OLFM3: variants seen among roughly 807,000 people sequenced by gnomAD.
The protein encoded by OLFM3 is olfactomedin 3.
Under a neutral mutation model 48.6 loss-of-function variants are expected in OLFM3, and 20 were observed. That is an observed-to-expected ratio of 0.41 (90% CI 0.29 to 0.60). The LOEUF is 0.60. Ranked by LOEUF, OLFM3 falls within the 20% of genes least tolerant of loss-of-function variation. The pLI, the probability that OLFM3 is intolerant of heterozygous loss-of-function variation, is 0.28. For synonymous variants in OLFM3, 222 were observed against 198.1 expected (o/e 1.12, Z -1.01); for missense variants, 437 against 544.3 (o/e 0.80, Z 1.96).
intron 1 of OLFM3, among the ~76,000 whole-genome samples, chr1:101,933,120 T>C (rs1404477026): frequency 1.5e-5 from 2 of 136,528 alleles, no homozygotes; most frequent in Non-Finnish European, 3.0e-5. Flanking sequence ...GAGAATGGCA[T>C]GAACCCGGGA....
At chr1:101,848,997 G>A (rs1656121508) in intron 1 of OLFM3, among the ~76,000 whole-genome samples, 1 of 152,094 alleles carries the variant, frequency 6.6e-6, no homozygotes, top group African/African-American at 2.4e-5. Flanking sequence ...GGAAGAAATA[G>A]AGAAAAACAA....
In OLFM3 at chr1:101,983,990, C is replaced by G. The variant is rs931070616; in HGVS notation, c.69+12758G>C. Reference sequence around the variant, plus strand: ...ATCACGGGTAGCCTGCGGCTCACACCTGTAATCCCAGCACCATGGGAGGCC... The same window carrying G: ...ATCACGGGTAGCCTGCGGCTCACACGTGTAATCCCAGCACCATGGGAGGCC... On this transcript the variant is annotated intron_variant, in intron 1 of 5. Coordinates refer to ENST00000370103, the MANE Select transcript of OLFM3 (RefSeq NM_058170.4). 2.6e-5 allele frequency among the ~76,000 whole-genome samples: 4 copies of G among 152,174 alleles called. No individual in the cohort carries two copies. The East Asian group carries it at 7.7e-4, about 29-fold the overall frequency.
intron 1 of OLFM3, among the ~76,000 whole-genome samples, chr1:101,955,380 T>A (rs190404765): frequency 2.0e-4 from 30 of 152,136 alleles, no homozygotes; most frequent in Middle Eastern, 3.4e-3. Flanking sequence ...AAGAATTTAA[T>A]GAATTGTCAA....
intron 1 of OLFM3, among the ~76,000 whole-genome samples, chr1:101,873,618 G>A (rs1657178667): frequency 6.6e-6 from 1 of 151,608 alleles, no homozygotes; most frequent in Non-Finnish European, 1.5e-5. Context: ...TGGTAGATCT[G>A]AGTTTAATTT....
At chr1:101,833,288 G>A (rs114857237) in intron 2 of OLFM3, among the ~76,000 whole-genome samples, 166 of 152,302 alleles carry the variant, frequency 1.1e-3, no homozygotes, top group Admixed American at 2.9e-3. Context: ...GTAATTAGAG[G>A]AGCTACATTT....
chr1:101,963,129 G>T (rs78329862), intron 1 of OLFM3, among the ~76,000 whole-genome samples: 3 of 152,120 alleles, frequency 2.0e-5, no homozygotes, highest in African/African-American at 4.8e-5. Context: ...CATTCTGCTG[G>T]GGTCTCTTCA....
Position 101,804,333 on chromosome 1 carries a change from C to T in OLFM3, c.1282G>A (p.Ala428Thr), listed in dbSNP as rs780009709. 1.2e-6 allele frequency: 2 copies of T among 1,611,986 alleles called. No individual in the cohort carries two copies. The highest frequency in any genetic ancestry group is 1.7e-5 in the Admixed American group (1 of 59,838). ...YFHISMLDYN[A>T]RDRALYAWNN... ...CAGGCATAGAGAGCTCGATCTCTTG[C>T]ATTGTAGTCAAGCATGGATATGTGA... The change falls in exon 6 of 6, where the codon GCA becomes ACA. Residue 428 changes from alanine (A) to threonine (T), a missense_variant. By Grantham distance (58) the Ala-to-Thr change is moderately conservative. Around this residue, in one of 3 missense-constraint regions of OLFM3, gnomAD observed 108 missense variants for 135.8 expected, o/e 0.80. Coordinates refer to ENST00000370103, the MANE Select transcript of OLFM3 (RefSeq NM_058170.4). The surrounding 1 kb of genome is among the most constrained non-coding windows in gnomAD (Gnocchi z 4.5).
In OLFM3 at chr1:101,944,994, A is replaced by G. The variant is rs181142490; in HGVS notation, c.69+51754T>C. On this transcript the variant is annotated intron_variant, in intron 1 of 5. Transcript: ENST00000370103. ...ACAGAAATTGAAACTACAATGATATACCACTACACACATTTAGAATACATA... is the reference window on the plus strand; with the variant it reads ...ACAGAAATTGAAACTACAATGATATGCCACTACACACATTTAGAATACATA... Among the ~76,000 whole-genome samples the G allele has an allele frequency of 4.6e-5, 7 of 152,322 alleles. No homozygotes were observed. The East Asian group carries it at 1.3e-3, about 29-fold the overall frequency.
intron 4 of OLFM3, among the ~76,000 whole-genome samples, chr1:101,817,854 T>C (rs928318924): frequency 4.6e-5 from 7 of 152,110 alleles, no homozygotes; most frequent in Admixed American, 1.3e-4. Context: ...GTCTGTACCA[T>C]ACATTTGGTA....
At chr1:101,916,215 A>G (rs1192479252) in intron 1 of OLFM3, among the ~76,000 whole-genome samples, 1 of 152,140 alleles carries the variant, frequency 6.6e-6, no homozygotes, top group South Asian at 2.1e-4. Flanking sequence ...CCTATCTTTA[A>G]AAGTTCAAAC....
intron 4 of OLFM3, among the ~76,000 whole-genome samples, chr1:101,815,652 T>G (rs986723610): frequency 3.3e-5 from 5 of 152,274 alleles, no homozygotes; most frequent in Admixed American, 3.3e-4. Context: ...ATTTTTGGCT[T>G]GTCCAGCTAG....
intron 1 of OLFM3, among the ~76,000 whole-genome samples, chr1:101,936,526 A>C (rs1659623932): frequency 6.6e-6 from 1 of 152,220 alleles, no homozygotes; most frequent in African/African-American, 2.4e-5. Context: ...GAAAGACCAT[A>C]CTGCCAAAAC....
intron 1 of OLFM3, among the ~76,000 whole-genome samples, chr1:101,895,544 C>G (rs757902381): frequency 5.9e-5 from 9 of 151,932 alleles, no homozygotes; most frequent in African/African-American, 9.7e-5. Flanking sequence ...TTAATGAGAG[C>G]TTTTAACAAT....
At chr1:101,926,472 C>T (rs77511834) in intron 1 of OLFM3, among the ~76,000 whole-genome samples, 10 of 152,138 alleles carry the variant, frequency 6.6e-5, no homozygotes, top group Non-Finnish European at 1.3e-4. Context: ...CAAGAAGAAC[C>T]CTGTTTTAAG....
intron 1 of OLFM3, among the ~76,000 whole-genome samples, chr1:101,962,854 G>T (rs1053626880): frequency 1.1e-4 from 16 of 152,118 alleles, no homozygotes; most frequent in Non-Finnish European, 7.4e-5. Flanking sequence ...GGTCCAGGGT[G>T]GTGTATAGAG....
intron 1 of OLFM3, among the ~76,000 whole-genome samples, chr1:101,906,785 A>C (rs1658566640): frequency 6.6e-6 from 1 of 152,184 alleles, no homozygotes; most frequent in Non-Finnish European, 1.5e-5. Flanking sequence ...CATTCAGTGG[A>C]CTATCATCAT....
Position 101,976,376 on chromosome 1 carries a change from C to T in OLFM3, c.69+20372G>A, listed in dbSNP as rs190108677. Among the ~76,000 whole-genome samples, 74 of 152,284 alleles carry T rather than the reference C, an allele frequency of 4.9e-4. 1 individual carries two copies. Among genetic ancestry groups the T allele is most frequent in the Admixed American group, 1.3e-3 (20 of 15,294 alleles). ...GGACAGCTGCCCGAGACTGGACAGA[C>T]TATTGCTGATTTTTAGCTGCATCCA... On this transcript the variant is annotated intron_variant, in intron 1 of 5. Transcript: ENST00000370103.
At chr1:101,873,345 A>G (rs1657161389) in intron 1 of OLFM3, among the ~76,000 whole-genome samples, 1 of 151,932 alleles carries the variant, frequency 6.6e-6, no homozygotes, top group Admixed American at 6.6e-5. Context: ...TATATATCAC[A>G]ATTTATTTTG....
intron 1 of OLFM3, among the ~76,000 whole-genome samples, chr1:101,867,634 A>C (rs976062425): frequency 6.6e-5 from 10 of 152,230 alleles, no homozygotes; most frequent in African/African-American, 2.4e-4. Context: ...GTACTCCACG[A>C]TTAGCCATAC....
Sources: gnomAD v4.1 joint callset for allele counts (sites outside exome capture counted in the v4.1 genomes callset) on GRCh38, gnomAD v4.1.1 for gene constraint, gnomAD v4.1.1 regional missense constraint, Gnocchi (gnomAD v3.1) non-coding constraint, MANE v1.5 for transcripts, NCBI Gene and HGNC (gene_info 2026-07-23, HGNC 2026-07-21) for gene names.